Variants in PRKCB observed in about 807,000 individuals in gnomAD.
The protein encoded by PRKCB is protein kinase C beta type.
A neutral mutation model predicts 81.5 loss-of-function variants in PRKCB; 13 were observed. The observed-to-expected ratio is 0.16, with a 90% CI of 0.10 to 0.25. PRKCB has a LOEUF of 0.25. Ranked by LOEUF, PRKCB falls within the 10% of genes least tolerant of loss-of-function variation. PRKCB has a pLI of 1.00. For synonymous variants in PRKCB, 335 were observed against 321.4 expected (o/e 1.04, Z -0.45); for missense variants, 509 against 875.7 (o/e 0.58, Z 5.29).
At chr16:23,971,192 C>A (rs935917362) in intron 2 of PRKCB, among the ~76,000 whole-genome samples, 4 of 152,168 alleles carry the variant, frequency 2.6e-5, no homozygotes, top group Admixed American at 6.5e-5. Flanking sequence ...ATCATTGTCA[C>A]CATCTCCATC....
At chr16:24,149,013 G>A (rs1967035019) in intron 9 of PRKCB, among the ~76,000 whole-genome samples, 1 of 152,182 alleles carries the variant, frequency 6.6e-6, no homozygotes, top group African/African-American at 2.4e-5. Flanking sequence ...GATTGGGAAT[G>A]ATCACTGGTT....
At chr16:23,901,069 C>A (rs1413108560) in intron 2 of PRKCB, among the ~76,000 whole-genome samples, 1 of 152,138 alleles carries the variant, frequency 6.6e-6, no homozygotes, top group African/African-American at 2.4e-5. Flanking sequence ...CTCCCCCACA[C>A]TGGAACAGCT....
chr16:23,917,320 T>C lies in PRKCB; in HGVS notation c.206-71188T>C, dbSNP rs114322534. 2.0e-3 allele frequency among the ~76,000 whole-genome samples: 311 copies of C among 152,324 alleles called. 1 individual carries two copies. Among genetic ancestry groups the C allele is most frequent in the African/African-American group, 7.1e-3 (297 of 41,570 alleles). On this transcript the variant is annotated intron_variant, in intron 2 of 16. Transcript: ENST00000643927. Reference sequence around the variant, plus strand: ...CTGGTCTCAAACTCCTGACTTCAGATGATCCACCTGCCTCCCAAAGGGTTG... The same window carrying C: ...CTGGTCTCAAACTCCTGACTTCAGACGATCCACCTGCCTCCCAAAGGGTTG...
At chr16:24,131,608 T>C (rs185404314) in intron 9 of PRKCB, among the ~76,000 whole-genome samples, 19 of 152,372 alleles carry the variant, frequency 1.2e-4, no homozygotes, top group Admixed American at 7.2e-4. Flanking sequence ...ATCATATTTT[T>C]CTTTAAAGTG....
intron 5 of PRKCB, among the ~76,000 whole-genome samples, chr16:24,090,123 A>C (rs184000992): frequency 2.0e-3 from 298 of 152,282 alleles, no homozygotes; most frequent in South Asian, 7.3e-3. Context: ...GGCCTAGCAG[A>C]ATGCTTAGCA....
chr16:24,064,603 T>C (rs756216437), intron 5 of PRKCB, among the ~76,000 whole-genome samples: 2 of 152,152 alleles, frequency 1.3e-5, no homozygotes, highest in Non-Finnish European at 2.9e-5. Context: ...GTTAGTTGTG[T>C]TGTTCATATT....
At chr16:23,891,720 A>G (rs922491412) in intron 2 of PRKCB, among the ~76,000 whole-genome samples, 3 of 152,146 alleles carry the variant, frequency 2.0e-5, no homozygotes, top group South Asian at 2.1e-4. Context: ...TCTACATCCA[A>G]TGCTCAGTTT....
At chr16:24,124,654 G>T (rs1455006528) in intron 9 of PRKCB, among the ~76,000 whole-genome samples, 3 of 152,140 alleles carry the variant, frequency 2.0e-5, no homozygotes, top group Non-Finnish European at 4.4e-5. Flanking sequence ...TTGAGATTGT[G>T]TTATAAGTAT....
chr16:24,035,114 A>C (rs1212343701), intron 4 of PRKCB, among the ~76,000 whole-genome samples: 2 of 152,094 alleles, frequency 1.3e-5, no homozygotes, highest in Non-Finnish European at 2.9e-5. Flanking sequence ...GTGAGCATTG[A>C]AGTTGGTGAC....
intron 7 of PRKCB, among the ~76,000 whole-genome samples, chr16:24,103,592 T>G (rs1966537534): frequency 2.0e-5 from 3 of 152,212 alleles, no homozygotes; most frequent in Non-Finnish European, 2.9e-5. Context: ...GGGATACATG[T>G]ACAAATTTGT....
chr16:24,024,855 C>T lies in PRKCB; in HGVS notation c.289-7281C>T, dbSNP rs188636219. ...GCATGGAAAGGTACCCTGAAAGATG[C>T]ACCTTGAGGGTCGTGGAGGGAGTCA... On this transcript the variant is annotated intron_variant, in intron 3 of 16. Transcript: ENST00000643927. 3.6e-3 allele frequency among the ~76,000 whole-genome samples: 543 copies of T among 152,290 alleles called. 2 individuals carry two copies. The highest frequency in any genetic ancestry group is 0.012 in the African/African-American group (503 of 41,568).
chr16:23,922,416 T>G (rs1325733357), intron 2 of PRKCB, among the ~76,000 whole-genome samples: 1 of 152,238 alleles, frequency 6.6e-6, no homozygotes, highest in Non-Finnish European at 1.5e-5. Context: ...TTGTTTTTCT[T>G]TTTATTAAAG....
intron 10 of PRKCB, among the ~76,000 whole-genome samples, chr16:24,169,010 T>C (rs2141963858): frequency 6.6e-6 from 1 of 152,218 alleles, no homozygotes; most frequent in South Asian, 2.1e-4. Context: ...TTCATCACAT[T>C]TACAGTTTGC....
At chr16:23,888,782 T>C (rs1963243745) in intron 2 of PRKCB, among the ~76,000 whole-genome samples, 2 of 152,146 alleles carry the variant, frequency 1.3e-5, no homozygotes, top group Non-Finnish European at 2.9e-5. Flanking sequence ...GTGCAGGGAC[T>C]GGGTAACAGG....
chr16:24,108,664 T>G (rs1286448999), intron 7 of PRKCB, among the ~76,000 whole-genome samples: 2 of 150,406 alleles, frequency 1.3e-5, no homozygotes, highest in Admixed American at 6.6e-5. Context: ...AGCACAGGGT[T>G]GGGGGTAAGG....
At chr16:23,985,590 A>G (rs780174984) in intron 2 of PRKCB, among the ~76,000 whole-genome samples, 5 of 152,216 alleles carry the variant, frequency 3.3e-5, no homozygotes, top group Non-Finnish European at 5.9e-5. Context: ...CAAGGCATCA[A>G]TTATCTTGAA....
At chr16:23,969,513 A>G (rs913826928) in intron 2 of PRKCB, among the ~76,000 whole-genome samples, 1 of 152,162 alleles carries the variant, frequency 6.6e-6, no homozygotes, top group Non-Finnish European at 1.5e-5. Flanking sequence ...TTAACTTTTC[A>G]TGCCTTATTT....
chr16:24,174,714 G>T (rs1471978235), intron 12 of PRKCB, 134 bp downstream of exon 12: 4 of 827,688 alleles, frequency 4.8e-6, no homozygotes, highest in African/African-American at 1.7e-5. Context: ...TTGGGCATGT[G>T]TTCTGCCAGG....
chr16:24,185,265 A>C, intron 14 of PRKCB, 74 bp downstream of exon 14: 3 of 1,421,782 alleles, frequency 2.1e-6, no homozygotes, highest in Non-Finnish European at 3.0e-6. Flanking sequence ...AGGAGAATGC[A>C]TGTTTGGTAA....
Sources: gnomAD v4.1 joint callset for allele counts (sites outside exome capture counted in the v4.1 genomes callset) on GRCh38, gnomAD v4.1.1 for gene constraint, MANE v1.5 for transcripts, NCBI Gene and HGNC (gene_info 2026-07-23, HGNC 2026-07-21) for gene names.